The following STK32B variants were observed in gnomAD, a reference collection of about 807,000 sequenced individuals.
STK32B encodes the protein serine/threonine-protein kinase 32B.
In STK32B, 43 loss-of-function variants were observed where a neutral mutation model predicts 52.6. The ratio of observed to expected loss-of-function variants is 0.82; its 90% CI spans 0.64 to 1.05. STK32B has a LOEUF of 1.05. Among genes scored for constraint, STK32B ranks in the 50% least tolerant of loss-of-function variants. The pLI is 0.00. For synonymous variants in STK32B, 238 were observed against 204.3 expected (o/e 1.17, Z -1.41); for missense variants, 621 against 534.6 (o/e 1.16, Z -1.59).
chr4:5,248,383 C>A (rs1214677263), intron 3 of STK32B, among the ~76,000 whole-genome samples: 2 of 152,172 alleles, frequency 1.3e-5, no homozygotes, highest in Non-Finnish European at 1.5e-5. Flanking sequence ...AGAAAGGGAC[C>A]TGAAGACATA....
chr4:5,310,464 A>T lies in STK32B; in HGVS notation c.261-20756A>T, dbSNP rs565839899. Among the ~76,000 whole-genome samples, 150 of 152,304 alleles carry T rather than the reference A, an allele frequency of 9.8e-4. 1 individual carries two copies. Among genetic ancestry groups the T allele is most frequent in the African/African-American group, 3.5e-3 (145 of 41,584 alleles). On this transcript the variant is annotated intron_variant, in intron 3 of 11. Coordinates refer to ENST00000282908, the MANE Select transcript of STK32B (RefSeq NM_018401.3). ...TTCATCATCACTAATCATTAGGGAAATGTAAATCAAAACCACAATGAGAGA... is the reference window on the plus strand; with the variant it reads ...TTCATCATCACTAATCATTAGGGAATTGTAAATCAAAACCACAATGAGAGA...
At chr4:5,439,592 A>C (rs1714501756) in intron 6 of STK32B, among the ~76,000 whole-genome samples, 1 of 151,466 alleles carries the variant, frequency 6.6e-6, no homozygotes, top group African/African-American at 2.4e-5. Context: ...TGCTGTGCAG[A>C]AGCTCTTTAG....
chr4:5,191,589 A>G (rs1184111225), intron 3 of STK32B, among the ~76,000 whole-genome samples: 1 of 152,062 alleles, frequency 6.6e-6, no homozygotes, highest in African/African-American at 2.4e-5. Flanking sequence ...GGTGTTCTAC[A>G]TTTGATTTCA....
intron 1 of STK32B, among the ~76,000 whole-genome samples, chr4:5,094,636 CAG>C (rs1003276470): frequency 1.3e-5 from 2 of 152,096 alleles, no homozygotes; most frequent in Non-Finnish European, 2.9e-5. Flanking sequence ...GCCTAGGTGA[CAG>C]AGAGAGACCC....
chr4:5,425,939 A>G (rs3953048), intron 6 of STK32B, among the ~76,000 whole-genome samples: 23,317 of 152,138 alleles, frequency 0.15, 2,449 homozygotes, highest in East Asian at 0.41. Context: ...TTTACTCATG[A>G]CGTGTGTATC....
At chr4:5,168,891 T>A (rs1361209686) in intron 3 of STK32B, among the ~76,000 whole-genome samples, 2 of 152,194 alleles carry the variant, frequency 1.3e-5, no homozygotes, top group African/African-American at 4.8e-5. Flanking sequence ...TTCTCTATCC[T>A]GCCCCCAAAA....
chr4:5,213,051 T>G (rs919467217), intron 3 of STK32B, among the ~76,000 whole-genome samples: 2 of 152,218 alleles, frequency 1.3e-5, no homozygotes, highest in African/African-American at 4.8e-5. Context: ...AATATATACG[T>G]ACATATAGAT....
intron 3 of STK32B, among the ~76,000 whole-genome samples, chr4:5,257,215 G>T (rs1726375712): frequency 6.6e-6 from 1 of 152,042 alleles, no homozygotes; most frequent in South Asian, 2.1e-4. Context: ...GAGTGAGCAA[G>T]TGATTATGTG....
intron 3 of STK32B, among the ~76,000 whole-genome samples, chr4:5,269,517 T>C (rs144600558): frequency 3.8e-4 from 58 of 152,230 alleles, no homozygotes; most frequent in African/African-American, 1.3e-3. Context: ...GTGTGAGGCA[T>C]TGTGAGGTAA....
chr4:5,332,527 G>A (rs1180683640), intron 4 of STK32B, among the ~76,000 whole-genome samples: 1 of 151,898 alleles, frequency 6.6e-6, no homozygotes, highest in Non-Finnish European at 1.5e-5. Context: ...TTAAGTTTTA[G>A]GGTACATTTG....
intron 3 of STK32B, among the ~76,000 whole-genome samples, chr4:5,243,153 A>G (rs902886006): frequency 2.0e-5 from 3 of 152,150 alleles, no homozygotes; most frequent in African/African-American, 7.2e-5. Flanking sequence ...CATTGAATCT[A>G]TAAATTACCT....
chr4:5,348,811 C>T (rs1733639674), intron 4 of STK32B, among the ~76,000 whole-genome samples: 1 of 152,190 alleles, frequency 6.6e-6, no homozygotes, highest in Non-Finnish European at 1.5e-5. Context: ...AGCTTCACCC[C>T]TCACCAGTAC....
At chr4:5,402,708 A>G (rs1737384466) in intron 5 of STK32B, among the ~76,000 whole-genome samples, 2 of 152,208 alleles carry the variant, frequency 1.3e-5, no homozygotes, top group South Asian at 2.1e-4. Context: ...GATCTTTTAC[A>G]GTTCCCAGGT....
At position 5,304,247 on chromosome 4, in the gene STK32B, G is replaced by T. The variant is rs191233226; in HGVS notation, c.261-26973G>T. Reference sequence around the variant, plus strand: ...GTGATATATTGATGGGAATTGCATTGAATTTGTACATTGCTTTTGACAGTG... The same window carrying T: ...GTGATATATTGATGGGAATTGCATTTAATTTGTACATTGCTTTTGACAGTG... On this transcript the variant is annotated intron_variant, in intron 3 of 11. Transcript: ENST00000282908. Among the ~76,000 whole-genome samples, 6 of 152,150 alleles carry T rather than the reference G, an allele frequency of 3.9e-5. No individual in the cohort carries two copies. The East Asian group carries it at 9.7e-4, about 25-fold the overall frequency.
chr4:5,326,627 G>C (rs1003911613), intron 3 of STK32B, among the ~76,000 whole-genome samples: 10 of 152,162 alleles, frequency 6.6e-5, no homozygotes, highest in Non-Finnish European at 1.3e-4. Context: ...TGTCTAAAAA[G>C]TGTACATACT....
At chr4:5,117,561 G>A (rs1392014914) in intron 1 of STK32B, among the ~76,000 whole-genome samples, 3 of 152,084 alleles carry the variant, frequency 2.0e-5, no homozygotes, top group Non-Finnish European at 4.4e-5. Flanking sequence ...TTCTTCCTTT[G>A]TGGTTGGCCT....
intron 11 of STK32B, among the ~76,000 whole-genome samples, chr4:5,490,503 A>G (rs1335771547): frequency 6.6e-6 from 1 of 152,146 alleles, no homozygotes; most frequent in African/African-American, 2.4e-5. Flanking sequence ...TAATGTGACT[A>G]AATTATGTCA....
chr4:5,074,767 G>A (rs796376971), intron 1 of STK32B, among the ~76,000 whole-genome samples: 21 of 152,222 alleles, frequency 1.4e-4, no homozygotes, highest in African/African-American at 4.8e-4. Flanking sequence ...ATCTTCCTCT[G>A]AGGAGTGTTG....
chr4:5,279,781 C>G (rs952006083), intron 3 of STK32B, among the ~76,000 whole-genome samples: 1 of 152,188 alleles, frequency 6.6e-6, no homozygotes, highest in African/African-American at 2.4e-5. Flanking sequence ...GTCTCAACAC[C>G]ACGTGGAAGC....
Sources: gnomAD v4.1 joint callset for allele counts (sites outside exome capture counted in the v4.1 genomes callset) on GRCh38, gnomAD v4.1.1 for gene constraint, MANE v1.5 for transcripts, NCBI Gene and HGNC (gene_info 2026-07-23, HGNC 2026-07-21) for gene names.